The following LONP1 variants were observed in gnomAD, a reference collection of about 807,000 sequenced individuals.
LONP1 encodes lon peptidase 1, mitochondrial, also known as lon protease homolog, mitochondrial.
Under a neutral mutation model 98.5 loss-of-function variants are expected in LONP1, and 31 were observed. The ratio of observed to expected loss-of-function variants is 0.31; its 90% confidence interval spans 0.24 to 0.42. The LOEUF (loss-of-function observed/expected upper bound fraction) is 0.42, where lower values mean the gene tolerates loss of function less well. Among genes scored for constraint, LONP1 ranks in the 20% least tolerant of loss-of-function variants. The pLI, the probability that LONP1 is intolerant of heterozygous loss-of-function variation, is 1.00. For synonymous variants in LONP1, 781 were observed against 594.7 expected, an observed-to-expected ratio of 1.31 and a Z score of -4.56; for missense variants, 1,336 against 1,350.6, an observed-to-expected ratio of 0.99 and a Z score of 0.17.
chr19:5,707,164 G>T, intron 6 of LONP1, 21 bp from the exon 7 acceptor site: 1 of 1,604,876 alleles, frequency 6.2e-7, no homozygotes. Context: ...AGGGAGGACA[G>T]AAAGGATGAG....
chr19:5,699,123 G>C lies in LONP1; in HGVS notation c.1589C>G (p.Thr530Ser), dbSNP rs764687779. The change falls in exon 10 of 18, where the codon ACC becomes AGC. Residue 530 changes from threonine to serine, a missense_variant. Thr to Ser is a moderately conservative substitution (Grantham distance 58). Transcript: ENST00000360614. ...GCGGGCGATGGAGCGAGCAATGCTG[G>C]TCTTACCCACGCCAGGGGGGCCATA... ...CFYGPPGVGK[T>S]SIARSIARAL... is the part of the protein sequence containing the mutation. 1 of 1,585,280 alleles carries C rather than the reference G, an allele frequency of 6.3e-7. No individual in the cohort carries two copies. The highest frequency in any genetic ancestry group is 1.1e-5 in the South Asian group (1 of 89,190).
At chr19:5,697,859 T>C (rs2054969435) in intron 10 of LONP1, among the ~76,000 whole-genome samples, 1 of 152,000 alleles carries the variant, frequency 6.6e-6, no homozygotes, top group African/African-American at 2.4e-5. Flanking sequence ...CCCAGGCTTG[T>C]TCAGAACCCC....
intron 8 of LONP1, among the ~76,000 whole-genome samples, chr19:5,703,073 C>A (rs1412097178): frequency 6.7e-6 from 1 of 149,878 alleles, no homozygotes; most frequent in African/African-American, 2.5e-5. Context: ...TCCAGCTACT[C>A]GGGAGGCTGA....
chr19:5,711,558 G>C (rs1285304162), intron 4 of LONP1, among the ~76,000 whole-genome samples: 1 of 152,196 alleles, frequency 6.6e-6, no homozygotes, highest in African/African-American at 2.4e-5. Context: ...AGGCTCCAGC[G>C]AATTTCCTGT....
chr19:5,701,077 G>T (rs2055032726), intron 8 of LONP1, 150 bp from the exon 9 acceptor site: 2 of 832,662 alleles, frequency 2.4e-6, no homozygotes, highest in African/African-American at 3.4e-5. Context: ...TCTTTGGGAG[G>T]CCCAGGTGGG....
rs370435213 is a variant in LONP1, at chr19:5,694,490, G to A, written c.2217C>T (p.Pro739=). The A allele has an allele frequency of 2.7e-5, 43 of 1,613,176 alleles. No homozygotes were observed. The highest frequency in any genetic ancestry group is 1.2e-4 in the African/African-American group (9 of 74,918). ...TCCCCACGAAGTCCTGCAGGTTCTC[G>A]GGCGTCACCTCCACGGACTCGGCCT... The part of the protein sequence containing the change: ...SGEAESVEVT[P]ENLQDFVGKP... Residue 739 remains proline, a synonymous_variant, in exon 15 of 18, where the codon CCC becomes CCT. Coordinates refer to ENST00000360614, the MANE Select transcript of LONP1 (RefSeq NM_004793.4).
rs2054996999 is a variant in LONP1 at position 5,699,184 on chromosome 19, G to A, written c.1528C>T (p.Leu510Phe). The change falls in exon 10 of 18, where the codon CTC becomes TTC. Residue 510 changes from leucine (L) to phenylalanine (F), a missense_variant. Transcript: ENST00000360614. ...ATCTTGCCCTGGGTGGAGCCGCGGAGCTGGCTAACGGCAATGAACTCCTGC... is the reference window on the plus strand; with the variant it reads ...ATCTTGCCCTGGGTGGAGCCGCGGAACTGGCTAACGGCAATGAACTCCTGC... Reference protein sequence around the residue: ...RILEFIAVSQLRGSTQGKILC... With the variant: ...RILEFIAVSQFRGSTQGKILC... 4 of 1,510,470 alleles carry A rather than the reference G, an allele frequency of 2.6e-6. No homozygotes were observed. The East Asian group carries it at 7.4e-5, about 28-fold the overall frequency. The allele number at this position is 1,510,470 out of a possible 1,614,324, so 93.6% of individuals were successfully genotyped here.
chr19:5,716,300 A>ATATATATATATATATG (rs1568329236), intron 1 of LONP1, among the ~76,000 whole-genome samples: 2 of 118,658 alleles, frequency 1.7e-5, no homozygotes, highest in African/African-American at 6.4e-5. Context: ...ATATATATAT[A>ATATATATATATATATG]GTAATGGCCC....
At chr19:5,717,809 G>A (rs1229882396) in intron 1 of LONP1, among the ~76,000 whole-genome samples, 2 of 151,810 alleles carry the variant, frequency 1.3e-5, no homozygotes, top group Non-Finnish European at 2.9e-5. Context: ...TGATCTCCCA[G>A]TTTCAAGTGA....
rs143576126 is a variant in LONP1, at chr19:5,705,816, C to T, written c.1323G>A (p.Glu441=). Reference sequence around the variant, plus strand: ...TGTCCAGCAGGCCCAGCTTGCTCAGCTCCTCGTCCACAACATCCATGACGT... The same window carrying T: ...TGTCCAGCAGGCCCAGCTTGCTCAGTTCCTCGTCCACAACATCCATGACGT... ...PKHVMDVVDE[E]LSKLGLLDNH... The change falls in exon 8 of 18, where the codon GAG becomes GAA. Residue 441 remains glutamate (E), a synonymous_variant. Coordinates refer to ENST00000360614, the MANE Select transcript of LONP1 (RefSeq NM_004793.4). 2.5e-5 allele frequency: 40 copies of T among 1,614,138 alleles called. No homozygotes were observed. The African/African-American group carries it at 4.5e-4, about 18-fold the overall frequency.
At chr19:5,720,216 T>A (rs574177025), upstream of LONP1, 1 of 1,383,204 alleles carries the variant, frequency 7.2e-7, no homozygotes, top group Non-Finnish European at 9.3e-7. Flanking sequence ...CGTGCCTCGG[T>A]ACCCGATGGG....
At position 5,699,193 on chromosome 19, in the gene LONP1, C is replaced by G; in HGVS notation, c.1519G>C (p.Val507Leu). 2.0e-6 allele frequency: 3 copies of G among 1,502,456 alleles called. No individual in the cohort carries two copies. The highest frequency in any genetic ancestry group is 2.7e-6 in the Non-Finnish European group (3 of 1,119,512). 93.1% of individuals were successfully genotyped at this position (1,502,456 alleles called of 1,614,324 possible). ...TGGGTGGAGCCGCGGAGCTGGCTAA[C>G]GGCAATGAACTCCTGCAGACAGAGG... is the stretch of plus-strand genomic sequence containing the variant. ...VKKRILEFIA[V>L]SQLRGSTQGK... Residue 507 changes from valine to leucine, a missense_variant, in exon 10 of 18, where the codon GTT (valine) becomes CTT (leucine). By Grantham distance (32) the Val-to-Leu change is conservative. Coordinates refer to ENST00000360614, the MANE Select transcript of LONP1 (RefSeq NM_004793.4).
intron 7 of LONP1, among the ~76,000 whole-genome samples, chr19:5,706,338 G>A (rs1464031793): frequency 1.3e-5 from 2 of 152,186 alleles, no homozygotes; most frequent in African/African-American, 2.4e-5. Context: ...GCCAGGCGCG[G>A]TGGCTCACGC....
Position 5,711,982 on chromosome 19 carries a change from A to C in LONP1, c.659T>G (p.Leu220Arg), listed in dbSNP as rs1318173865. 1.2e-6 allele frequency: 2 copies of C among 1,612,906 alleles called. No homozygotes were observed. Among genetic ancestry groups the C allele is most frequent in the Non-Finnish European group, 1.7e-6 (2 of 1,179,904 alleles). Residue 220 changes from leucine to arginine, a missense_variant, in exon 4 of 18, where the codon CTG (leucine) becomes CGG (arginine). Physicochemically the swap from Leu to Arg is moderately radical, Grantham distance 102 (BLOSUM62 -2). Transcript: ENST00000360614. The part of the protein sequence containing the change: ...GHRRVHISRQ[L>R]EVEPEEPEAE... ...CTCCGGCTCCTCGGGCTCCACCTCC[A>C]GCTGTCTGCTGATATGGACTCTGAC...
Position 5,693,634 on chromosome 19 carries a change from G to A in LONP1, c.2456C>T (p.Thr819Ile). 1 of 1,614,110 alleles carries A rather than the reference G, an allele frequency of 6.2e-7. No homozygotes were observed. Among genetic ancestry groups the A allele is most frequent in the Non-Finnish European group, 8.5e-7 (1 of 1,179,994 alleles). The change falls in exon 16 of 18, where the codon ACC (threonine) becomes ATC (isoleucine). Residue 819 changes from threonine (T) to isoleucine (I), a missense_variant. Around this residue, in one of 5 missense-constraint regions of LONP1, gnomAD observed 555 missense variants for 542.6 expected, o/e 1.02. Coordinates refer to ENST00000360614, the MANE Select transcript of LONP1 (RefSeq NM_004793.4). ...VMKESARIAYTFARAFLMQHA... is the reference protein window; with the variant it reads ...VMKESARIAYIFARAFLMQHA... ...CTGCATGAGGAAGGCTCTGGCGAAG[G>A]TGTAGGCTATGCGGGCGCTCTCCTT...
intron 11 of LONP1, 123 bp from the exon 12 acceptor site, chr19:5,696,494 G>T: frequency 7.1e-7 from 1 of 1,407,582 alleles, no homozygotes; most frequent in Non-Finnish European, 9.7e-7. Flanking sequence ...CCCTGCCTTG[G>T]ACGGGCAGCC....
intron 1 of LONP1, among the ~76,000 whole-genome samples, chr19:5,717,937 T>G (rs1032354029): frequency 1.4e-5 from 2 of 148,100 alleles, no homozygotes; most frequent in Non-Finnish European, 3.0e-5. Context: ...TTGACCATAC[T>G]GGTTTCAAAT....
At chr19:5,712,219 C>G (rs1470116012) in intron 3 of LONP1, 2 of 561,262 alleles carry the variant, frequency 3.6e-6, no homozygotes, top group East Asian at 2.9e-5. Context: ...CAGCCAGATT[C>G]AGGCATTCCC....
intron 6 of LONP1, 129 bp from the exon 7 acceptor site, chr19:5,707,272 A>T: frequency 5.5e-6 from 4 of 726,942 alleles, no homozygotes; most frequent in Non-Finnish European, 9.5e-6. Context: ...TACCCAGCAC[A>T]GAGGCATGTG....
Sources: gnomAD v4.1 joint callset for allele counts (sites outside exome capture counted in the v4.1 genomes callset) on GRCh38, gnomAD v4.1.1 for gene constraint, gnomAD v4.1.1 regional missense constraint, MANE v1.5 for transcripts, NCBI Gene and HGNC (gene_info 2026-07-23, HGNC 2026-07-21) for gene names.